The following LRRTM4 variants were observed in gnomAD, a reference collection of about 807,000 sequenced individuals.
LRRTM4 encodes the protein leucine-rich repeat transmembrane neuronal protein 4.
LRRTM4 carries 25 observed loss-of-function variants against 47.6 expected under a neutral mutation model. The ratio of observed to expected loss-of-function variants is 0.53; its 90% CI spans 0.38 to 0.73. The LOEUF (loss-of-function observed/expected upper bound fraction) is 0.73. Among genes scored for constraint, LRRTM4 ranks in the 30% least tolerant of loss-of-function variants. The pLI, the probability that LRRTM4 is intolerant of heterozygous loss-of-function variation, is 0.00. For missense variants in LRRTM4, 638 were observed against 713.4 expected (o/e 0.89, Z 1.20); for synonymous variants, 311 against 269.5 (o/e 1.15, Z -1.51).
intron 3 of LRRTM4, among the ~76,000 whole-genome samples, chr2:77,267,700 AT>A (rs11389853): frequency 6.6e-6 from 1 of 151,136 alleles, no homozygotes; most frequent in Non-Finnish European, 1.5e-5. Flanking sequence ...CTTCCAGAAT[AT>A]TTTTTTTTGA....
At chr2:76,756,214 A>G (rs546207256) in intron 3 of LRRTM4, among the ~76,000 whole-genome samples, 84 of 152,276 alleles carry the variant, frequency 5.5e-4, no homozygotes, top group African/African-American at 2.0e-3. Flanking sequence ...ATGAACTTCA[A>G]GTTTTTAGAC....
chr2:77,094,498 G>A (rs1378012352), intron 3 of LRRTM4, among the ~76,000 whole-genome samples: 2 of 151,968 alleles, frequency 1.3e-5, no homozygotes, highest in Non-Finnish European at 2.9e-5. Context: ...ATAACAAGCA[G>A]AGAGTATAAC....
At chr2:77,364,621 C>G (rs149520947) in intron 3 of LRRTM4, among the ~76,000 whole-genome samples, 2 of 152,170 alleles carry the variant, frequency 1.3e-5, no homozygotes, top group East Asian at 3.9e-4. Context: ...GCTATACCCT[C>G]CATCTCCTGT....
chr2:77,325,756 G>C (rs1052409838), intron 3 of LRRTM4, among the ~76,000 whole-genome samples: 6 of 152,256 alleles, frequency 3.9e-5, no homozygotes, highest in Admixed American at 6.5e-5. Context: ...AAAGATGTGT[G>C]AAAGCTTTTT....
chr2:77,231,494 T>G (rs1432570398), intron 3 of LRRTM4, among the ~76,000 whole-genome samples: 1 of 152,116 alleles, frequency 6.6e-6, no homozygotes, highest in Non-Finnish European at 1.5e-5. Flanking sequence ...TTTATATATT[T>G]TATACTTTAG....
chr2:77,272,311 G>T (rs138246085), intron 3 of LRRTM4, among the ~76,000 whole-genome samples: 1 of 152,194 alleles, frequency 6.6e-6, no homozygotes, highest in East Asian at 1.9e-4. Flanking sequence ...ATAGAAAGAT[G>T]TTATGGTTCA....
intron 3 of LRRTM4, among the ~76,000 whole-genome samples, chr2:77,078,463 G>C (rs1680423130): frequency 6.6e-6 from 1 of 152,020 alleles, no homozygotes; most frequent in South Asian, 2.1e-4. Flanking sequence ...TAGCGATAAA[G>C]TGACAAAACA....
intron 3 of LRRTM4, among the ~76,000 whole-genome samples, chr2:76,891,756 T>C (rs1439400960): frequency 6.6e-6 from 1 of 151,640 alleles, no homozygotes; most frequent in Non-Finnish European, 1.5e-5. Flanking sequence ...CAAATCCATA[T>C]AAGTACTAGA....
At chr2:77,427,423 T>A (rs1432546149) in intron 3 of LRRTM4, among the ~76,000 whole-genome samples, 1 of 152,256 alleles carries the variant, frequency 6.6e-6, no homozygotes, top group Non-Finnish European at 1.5e-5. Context: ...ATGTAAATAT[T>A]TACCCTTTAC....
intron 3 of LRRTM4, among the ~76,000 whole-genome samples, chr2:77,426,833 A>ACACATG (rs1675127650): frequency 2.9e-5 from 2 of 69,836 alleles, no homozygotes; most frequent in Non-Finnish European, 3.7e-5. Flanking sequence ...ACACACATGC[A>ACACATG]CACACACACA....
intron 3 of LRRTM4, among the ~76,000 whole-genome samples, chr2:77,008,066 C>G (rs904005391): frequency 1.3e-5 from 2 of 152,200 alleles, no homozygotes; most frequent in Admixed American, 6.6e-5. Context: ...AAGTGAACAA[C>G]TGTAGCATCC....
intron 3 of LRRTM4, among the ~76,000 whole-genome samples, chr2:77,472,958 A>G (rs967775909): frequency 5.9e-5 from 9 of 152,188 alleles, no homozygotes; most frequent in Admixed American, 1.3e-4. Flanking sequence ...TTGTTATTAA[A>G]CCAATTGTGA....
Position 76,749,811 on chromosome 2 carries a change from C to T in LRRTM4, c.1552-895G>A, listed in dbSNP as rs867825929. Reference sequence around the variant, plus strand: ...GGAAAAAGCAAATGATACTTGCTTACTTGTTGTTCTCATGCTAGAATATTT... The same window carrying T: ...GGAAAAAGCAAATGATACTTGCTTATTTGTTGTTCTCATGCTAGAATATTT... On this transcript the variant is annotated intron_variant, in intron 3 of 3. Coordinates refer to ENST00000409884, the MANE Select transcript of LRRTM4 (RefSeq NM_001134745.3). Among the ~76,000 whole-genome samples, 30 of 152,268 alleles carry T rather than the reference C, an allele frequency of 2.0e-4. No individual in the cohort carries two copies. In the Middle Eastern group the frequency reaches 0.01, roughly 52 times the overall value.
intron 3 of LRRTM4, among the ~76,000 whole-genome samples, chr2:76,878,144 A>T (rs759517892): frequency 2.6e-5 from 4 of 152,082 alleles, no homozygotes; most frequent in Non-Finnish European, 4.4e-5. Flanking sequence ...TGTTACGATG[A>T]TCTGTGATCA....
At chr2:77,336,393 A>AT (rs1273806403) in intron 3 of LRRTM4, among the ~76,000 whole-genome samples, 3 of 152,092 alleles carry the variant, frequency 2.0e-5, no homozygotes, top group Non-Finnish European at 2.9e-5. Context: ...TTAGCTCATA[A>AT]TTTTTTACCA....
intron 3 of LRRTM4, among the ~76,000 whole-genome samples, chr2:77,347,255 A>G (rs1222668985): frequency 6.6e-6 from 1 of 152,164 alleles, no homozygotes; most frequent in African/African-American, 2.4e-5. Flanking sequence ...CACTGGTTCA[A>G]TCCTAGGGGT....
At chr2:77,196,722 C>T (rs1673837088) in intron 3 of LRRTM4, among the ~76,000 whole-genome samples, 1 of 152,120 alleles carries the variant, frequency 6.6e-6, no homozygotes, top group African/African-American at 2.4e-5. Context: ...GTTTGGATGA[C>T]ACAGTGAGAT....
intron 3 of LRRTM4, among the ~76,000 whole-genome samples, chr2:76,858,244 G>A (rs1208164682): frequency 6.6e-6 from 1 of 152,070 alleles, no homozygotes; most frequent in East Asian, 1.9e-4. Flanking sequence ...AAGATGGATA[G>A]GCCTCATCCA....
chr2:76,994,154 T>C (rs887833282), intron 3 of LRRTM4, among the ~76,000 whole-genome samples: 2 of 151,794 alleles, frequency 1.3e-5, no homozygotes, highest in African/African-American at 2.4e-5. Flanking sequence ...AAACTACCTA[T>C]TGAGTACTAT....
Sources: allele counts gnomAD v4.1 joint callset (sites outside exome capture counted in the v4.1 genomes callset), GRCh38; gene constraint gnomAD v4.1.1; transcripts MANE v1.5; gene names NCBI Gene and HGNC (gene_info 2026-07-23, HGNC 2026-07-21).